Variants in MEIS2 observed in about 807,000 individuals in gnomAD.
MEIS2 encodes the protein homeobox protein Meis2.
A neutral mutation model predicts 58.6 loss-of-function variants in MEIS2; 9 were observed. The ratio of observed to expected loss-of-function variants is 0.15; its 90% CI spans 0.09 to 0.27. MEIS2 has a LOEUF of 0.27. MEIS2 is among the 10% of genes least tolerant of loss of function. The pLI, the probability that MEIS2 is intolerant of heterozygous loss-of-function variation, is 1.00. For missense variants in MEIS2, 427 were observed against 635.0 expected, an observed-to-expected ratio of 0.67 and a Z score of 3.52; for synonymous variants, 221 against 228.4, an observed-to-expected ratio of 0.97 and a Z score of 0.29.
At chr15:36,928,614 A>G (rs908246593) in intron 9 of MEIS2, among the ~76,000 whole-genome samples, 1 of 152,226 alleles carries the variant, frequency 6.6e-6, no homozygotes, top group Non-Finnish European at 1.5e-5. Context: ...AAGTAATGTC[A>G]GAGAGTTTAT....
intron 9 of MEIS2, among the ~76,000 whole-genome samples, chr15:36,927,999 A>T (rs1029325084): frequency 6.6e-6 from 1 of 152,184 alleles, no homozygotes; most frequent in Non-Finnish European, 1.5e-5. Flanking sequence ...GGTTTTCATG[A>T]CCATTTTGCT....
At chr15:36,916,305 C>T (rs1303287705) in intron 9 of MEIS2, among the ~76,000 whole-genome samples, 1 of 151,740 alleles carries the variant, frequency 6.6e-6, no homozygotes, top group Non-Finnish European at 1.5e-5. Flanking sequence ...CGGGCGCCTG[C>T]AGTCCCAACT....
intron 9 of MEIS2, chr15:36,898,047 T>A (rs2056275965): frequency 6.6e-6 from 1 of 152,206 alleles, no homozygotes; most frequent in African/African-American, 2.4e-5. Context: ...AAGGAGTCTT[T>A]TGCATATGGT....
intron 8 of MEIS2, among the ~76,000 whole-genome samples, chr15:36,956,474 G>A (rs557499117): frequency 6.6e-6 from 1 of 152,270 alleles, no homozygotes; most frequent in South Asian, 2.1e-4. Context: ...TGGTGGCTAA[G>A]TGACTCAAGT....
At chr15:37,090,269 C>T (rs114222644) in intron 6 of MEIS2, among the ~76,000 whole-genome samples, 90 of 151,856 alleles carry the variant, frequency 5.9e-4, no homozygotes, top group African/African-American at 1.8e-3. Flanking sequence ...ATCAATATTG[C>T]TTATTTTATT....
chr15:37,061,042 G>T (rs1261356718), intron 7 of MEIS2, among the ~76,000 whole-genome samples: 3 of 152,112 alleles, frequency 2.0e-5, no homozygotes, highest in Non-Finnish European at 4.4e-5. Flanking sequence ...TTTTAAATAG[G>T]CATGGTTAGG....
Position 36,956,965 on chromosome 15 carries a change from G to T in MEIS2, c.901-6565C>A, listed in dbSNP as rs551518251. On this transcript the variant is annotated intron_variant, in intron 8 of 11. Transcript: ENST00000561208. Reference sequence around the variant, plus strand: ...GAAGAAAAAGGAAAAGAATAAAAAAGAAATGATTCATTTTGCTTTAATTTC... The same window carrying T: ...GAAGAAAAAGGAAAAGAATAAAAAATAAATGATTCATTTTGCTTTAATTTC... Among the ~76,000 whole-genome samples the T allele has an allele frequency of 1.2e-4, 17 of 144,216 alleles. 1 individual carries two copies. The South Asian group carries it at 3.6e-3, about 30-fold the overall frequency. The allele number at this position is 144,216 out of a possible 152,430, so 94.6% of individuals were successfully genotyped here.
Position 36,891,705 on chromosome 15 carries a change from G to A in MEIS2, c.*468C>T, listed in dbSNP as rs1467697650. On this transcript the variant is annotated 3_prime_UTR_variant, in exon 12 of 12. Coordinates refer to ENST00000561208, the MANE Select transcript of MEIS2 (RefSeq NM_170675.5). ...AAAGTTCATCATGATCTCCAGTGTG[G>A]TTCTTTTCTCATTGGCCCAACAGGT... 6.2e-6 allele frequency: 1 copy of A among 161,514 alleles called. No homozygotes were observed. The highest frequency in any genetic ancestry group is 1.4e-5 in the Non-Finnish European group (1 of 73,194). The allele number at this position is 161,514 out of a possible 1,614,324, so 10.0% of individuals were successfully genotyped here.
At chr15:36,971,176 A>G (rs968847923) in intron 8 of MEIS2, among the ~76,000 whole-genome samples, 1 of 152,026 alleles carries the variant, frequency 6.6e-6, no homozygotes, top group African/African-American at 2.4e-5. Flanking sequence ...ATCAGAACAT[A>G]AAAACCTGTT....
At chr15:37,015,325 C>T (rs1343236494) in intron 8 of MEIS2, among the ~76,000 whole-genome samples, 1 of 152,168 alleles carries the variant, frequency 6.6e-6, no homozygotes, top group African/African-American at 2.4e-5. Flanking sequence ...GTTGCTGGCC[C>T]TCTAAACCCC....
At position 36,892,075 on chromosome 15, in the gene MEIS2, G is replaced by A; in HGVS notation, c.*98C>T. The A allele has an allele frequency of 7.7e-7, 1 of 1,292,216 alleles. No individual in the cohort carries two copies. The highest frequency in any genetic ancestry group is 1.1e-6 in the Non-Finnish European group (1 of 910,912). 80.0% of individuals were successfully genotyped at this position (1,292,216 alleles called of 1,614,324 possible). A position where few individuals can be genotyped will look rare whatever the true frequency, so the allele number is the denominator to read the frequency against. ...ACAAAAGTAAAAAATAATCACAGCT[G>A]TCTGGAATTTCATATTAAGTGTCAA... On this transcript the variant is annotated 3_prime_UTR_variant, in exon 12 of 12. Transcript: ENST00000561208.
chr15:37,099,324 T>A, intron 1 of MEIS2, 131 bp downstream of exon 1: 1 of 1,559,926 alleles, frequency 6.4e-7, no homozygotes, highest in Non-Finnish European at 8.7e-7. Flanking sequence ...ATTTTGCTAT[T>A]TTTTAAAATA....
chr15:37,002,967 C>T (rs1436860613), intron 8 of MEIS2, among the ~76,000 whole-genome samples: 1 of 152,094 alleles, frequency 6.6e-6, no homozygotes, highest in Non-Finnish European at 1.5e-5. Context: ...CCTCCCAATA[C>T]CTAAGTAATA....
chr15:37,013,984 T>C (rs769745249), intron 8 of MEIS2, among the ~76,000 whole-genome samples: 5 of 152,150 alleles, frequency 3.3e-5, no homozygotes, highest in African/African-American at 9.7e-5. Flanking sequence ...GAGGAAGATA[T>C]GGGCAAGAAC....
chr15:37,080,448 T>C (rs1179862733), intron 7 of MEIS2, among the ~76,000 whole-genome samples: 1 of 152,116 alleles, frequency 6.6e-6, no homozygotes, highest in Non-Finnish European at 1.5e-5. Context: ...ATAATAATAA[T>C]ACTTTGTACA....
chr15:37,024,494 A>G (rs2061634530), intron 8 of MEIS2, among the ~76,000 whole-genome samples: 1 of 152,204 alleles, frequency 6.6e-6, no homozygotes, highest in African/African-American at 2.4e-5. Context: ...ATCCACCTGG[A>G]TATCTGGCTG....
chr15:37,031,421 A>ATG lies in MEIS2; in HGVS notation c.900+5391_900+5392dup, dbSNP rs60605081. Among the ~76,000 whole-genome samples, 259 of 146,944 alleles carry ATG rather than the reference A, an allele frequency of 1.8e-3. 2 individuals carry two copies. The highest frequency in any genetic ancestry group is 5.2e-3 in the African/African-American group (207 of 39,530). ...TCCCTCCCTCTCTCCTCCCTTGCAT[A>ATG]TGTGTGTGTGTGTGTGTGTGTGTGT... On this transcript the variant is annotated intron_variant, in intron 8 of 11. Transcript: ENST00000561208.
intron 3 of MEIS2, 73 bp downstream of exon 3, chr15:37,096,216 C>A (rs1364718171): frequency 6.8e-7 from 1 of 1,460,154 alleles, no homozygotes; most frequent in Non-Finnish European, 9.2e-7. Context: ...TTCCTCCTTT[C>A]AAGTAAAGCT....
At chr15:36,975,177 T>C (rs1169403736) in intron 8 of MEIS2, among the ~76,000 whole-genome samples, 1 of 152,222 alleles carries the variant, frequency 6.6e-6, no homozygotes, top group African/African-American at 2.4e-5. Context: ...ACCAGGTATG[T>C]ATCTCCTCCG....
Sources: gnomAD v4.1 joint callset for allele counts (sites outside exome capture counted in the v4.1 genomes callset) on GRCh38, gnomAD v4.1.1 for gene constraint, MANE v1.5 for transcripts, NCBI Gene and HGNC (gene_info 2026-07-23, HGNC 2026-07-21) for gene names.